PRR16: variants seen among roughly 807,000 people sequenced by gnomAD.
The protein encoded by PRR16 is protein Largen.
PRR16 carries 6 observed loss-of-function variants against 18.2 expected under a neutral mutation model. That is an observed-to-expected ratio of 0.33 (90% CI 0.18 to 0.65). The LOEUF is 0.65. PRR16 is among the 30% of genes least tolerant of loss of function. The pLI is 0.74. For synonymous variants in PRR16, 151 were observed against 147.8 expected, an observed-to-expected ratio of 1.02 and a Z score of -0.16; for missense variants, 412 against 376.6, an observed-to-expected ratio of 1.09 and a Z score of -0.78.
intron 1 of PRR16, among the ~76,000 whole-genome samples, chr5:120,605,985 G>T (rs1018044962): frequency 6.6e-6 from 1 of 152,168 alleles, no homozygotes; most frequent in Admixed American, 6.5e-5. Context: ...TCAGGGGGCT[G>T]TGGGCAAGTG....
intron 1 of PRR16, among the ~76,000 whole-genome samples, chr5:120,669,482 T>A (rs536083717): frequency 3.9e-4 from 60 of 152,104 alleles, no homozygotes; most frequent in African/African-American, 1.4e-3. Flanking sequence ...AAATGTGTTA[T>A]TAGAATAGGT....
intron 1 of PRR16, among the ~76,000 whole-genome samples, chr5:120,497,120 A>G (rs1281954652): frequency 3.3e-5 from 5 of 152,160 alleles, no homozygotes; most frequent in African/African-American, 1.2e-4. Flanking sequence ...TTCACGGCTC[A>G]GAATATGGTC....
At chr5:120,765,263 G>C in the PRR16 span, among the ~76,000 whole-genome samples, 1 of 151,986 alleles carries the variant, frequency 6.6e-6, no homozygotes, top group Non-Finnish European at 1.5e-5. Flanking sequence ...GATGTTTAAA[G>C]AGAGACAGTG....
At chr5:120,685,204 T>A (rs1757083095) in intron 1 of PRR16, among the ~76,000 whole-genome samples, 2 of 152,204 alleles carry the variant, frequency 1.3e-5, no homozygotes, top group Non-Finnish European at 2.9e-5. Flanking sequence ...TTTGTGCCTG[T>A]GTGCCCACCA....
the PRR16 span, among the ~76,000 whole-genome samples, chr5:120,793,426 G>C: frequency 6.6e-6 from 1 of 152,132 alleles, no homozygotes; most frequent in Non-Finnish European, 1.5e-5. Flanking sequence ...AGAAAGCTTT[G>C]AACTGAGATC....
chr5:120,558,259 G>A (rs1185465198), intron 1 of PRR16, among the ~76,000 whole-genome samples: 2 of 151,332 alleles, frequency 1.3e-5, no homozygotes, highest in Non-Finnish European at 3.0e-5. Context: ...ATTATTTTTT[G>A]TACCAATTAA....
At chr5:120,792,942 T>G in the PRR16 span, among the ~76,000 whole-genome samples, 1 of 152,100 alleles carries the variant, frequency 6.6e-6, no homozygotes, top group Non-Finnish European at 1.5e-5. Flanking sequence ...CACTTGAGCT[T>G]AGGAGTTCGA....
At chr5:120,589,740 C>A (rs1282672644) in intron 1 of PRR16, among the ~76,000 whole-genome samples, 1 of 151,976 alleles carries the variant, frequency 6.6e-6, no homozygotes, top group African/African-American at 2.4e-5. Context: ...TGGCAGAAAC[C>A]ACCCTCATGA....
At chr5:120,665,463 T>G (rs1198950227) in intron 1 of PRR16, among the ~76,000 whole-genome samples, 5 of 152,136 alleles carry the variant, frequency 3.3e-5, no homozygotes, top group Non-Finnish European at 5.9e-5. Flanking sequence ...TTAGTTTAAT[T>G]AGATCCCATT....
chr5:120,785,270 C>T, the PRR16 span, among the ~76,000 whole-genome samples: 1 of 152,054 alleles, frequency 6.6e-6, no homozygotes, highest in Non-Finnish European at 1.5e-5. Context: ...GGAGACCATA[C>T]GTGGGTATGA....
chr5:120,607,612 A>G (rs1754196183), intron 1 of PRR16, among the ~76,000 whole-genome samples: 1 of 152,048 alleles, frequency 6.6e-6, no homozygotes, highest in Non-Finnish European at 1.5e-5. Context: ...TGGTTTCAAA[A>G]TCTTTTCTAC....
the PRR16 span, among the ~76,000 whole-genome samples, chr5:120,693,065 A>C: frequency 6.6e-6 from 1 of 152,232 alleles, no homozygotes; most frequent in African/African-American, 2.4e-5. Context: ...ATAGCCAAAT[A>C]AATATCATGA....
the PRR16 span, among the ~76,000 whole-genome samples, chr5:120,742,191 A>C: frequency 1.3e-5 from 2 of 150,666 alleles, no homozygotes; most frequent in East Asian, 3.9e-4. Context: ...ATTCATTTAC[A>C]TTTGCTAATG....
the PRR16 span, among the ~76,000 whole-genome samples, chr5:120,728,976 C>T: frequency 6.6e-6 from 1 of 152,090 alleles, no homozygotes; most frequent in Non-Finnish European, 1.5e-5. Flanking sequence ...TTTCCCCTAC[C>T]TTCCCTAAGC....
At chr5:120,588,428 GCCATCCCAA>G (rs1224003324) in intron 1 of PRR16, among the ~76,000 whole-genome samples, 7 of 152,268 alleles carry the variant, frequency 4.6e-5, no homozygotes, top group Admixed American at 2.6e-4. Context: ...CTTTGCCACA[GCCATCCCAA>G]CCTTAGCCCA....
chr5:120,490,485 C>T (rs1477481658), intron 1 of PRR16, among the ~76,000 whole-genome samples: 10 of 152,098 alleles, frequency 6.6e-5, no homozygotes, highest in African/African-American at 9.7e-5. Context: ...GTTCTCGTGC[C>T]GTGGTTTTCA....
intron 1 of PRR16, among the ~76,000 whole-genome samples, chr5:120,563,905 G>A (rs1752653767): frequency 6.6e-6 from 1 of 152,176 alleles, no homozygotes; most frequent in Non-Finnish European, 1.5e-5. Context: ...AAAGCACATG[G>A]CATACTAAAC....
chr5:120,729,274 C>T, the PRR16 span, among the ~76,000 whole-genome samples: 1 of 152,158 alleles, frequency 6.6e-6, no homozygotes, highest in Admixed American at 6.5e-5. Flanking sequence ...TCAGAGATTT[C>T]CAGATTTATA....
chr5:120,605,530 C>T lies in PRR16; in HGVS notation c.160-80424C>T, dbSNP rs772973242. ...TTCTGTGTTGCCATTTCAGCCATTT[C>T]CATCTGGTTAAGAATCATTGCTGCA... is the stretch of plus-strand genomic sequence containing the variant. On this transcript the variant is annotated intron_variant, in intron 1 of 1. Transcript: ENST00000407149. Among the ~76,000 whole-genome samples the T allele has an allele frequency of 2.6e-5, 4 of 152,090 alleles. No individual in the cohort carries two copies. The South Asian group carries it at 8.3e-4, about 32-fold the overall frequency.
Sources: gnomAD v4.1 joint callset for allele counts (sites outside exome capture counted in the v4.1 genomes callset) on GRCh38, gnomAD v4.1.1 for gene constraint, MANE v1.5 for transcripts, NCBI Gene and HGNC (gene_info 2026-07-23, HGNC 2026-07-21) for gene names.